The following SP140L variants were observed in gnomAD, a reference collection of about 807,000 sequenced individuals.
The protein encoded by SP140L is SP140 like nuclear body protein.
In SP140L, 64 loss-of-function variants were observed where a neutral mutation model predicts 84.3. The observed-to-expected ratio is 0.76, with a 90% CI of 0.62 to 0.94. The LOEUF (loss-of-function observed/expected upper bound fraction) is 0.94, where lower values mean the gene tolerates loss of function less well. Ranked by LOEUF, SP140L falls within the 40% of genes least tolerant of loss-of-function variation. The probability of loss-of-function intolerance (pLI) is 0.00; values close to 1 mark genes in which losing one functional copy is unlikely to be tolerated. For missense variants in SP140L, 628 were observed against 692.5 expected (o/e 0.91, Z 1.05); for synonymous variants, 242 against 236.9 (o/e 1.02, Z -0.20).
At position 230,400,195 on chromosome 2, in the gene SP140L, A is replaced by G. The variant is rs755112296; in HGVS notation, c.1266A>G (p.Ser422=). 5.0e-6 allele frequency: 8 copies of G among 1,614,212 alleles called. No homozygotes were observed. In the South Asian group the frequency reaches 8.8e-5, roughly 18 times the overall value. ...GGELFCCDTC[S]RVFHEDCHIP... is the part of the protein sequence containing the mutation. Reference sequence around the variant, plus strand: ...AGCTGTTCTGTTGCGACACTTGTTCAAGAGTCTTCCATGAGGACTGCCACA... The same window carrying G: ...AGCTGTTCTGTTGCGACACTTGTTCGAGAGTCTTCCATGAGGACTGCCACA... Residue 422 remains serine, a synonymous_variant, in exon 15 of 19, where the codon TCA becomes TCG. Transcript: ENST00000415673.
intron 14 of SP140L, 54 bp from the exon 15 acceptor site, chr2:230,400,073 G>A (rs1575560669): frequency 3.8e-6 from 6 of 1,593,318 alleles, no homozygotes; most frequent in Non-Finnish European, 4.3e-6. Context: ...CCAGAGGGGT[G>A]GCCTTCCTGA....
At chr2:230,356,619 A>G (rs941970379) in intron 2 of SP140L, among the ~76,000 whole-genome samples, 1 of 152,194 alleles carries the variant, frequency 6.6e-6, no homozygotes, top group African/African-American at 2.4e-5. Context: ...CACAGGCAGT[A>G]TATGCATTGC....
intron 5 of SP140L, among the ~76,000 whole-genome samples, chr2:230,364,336 A>G (rs895290629): frequency 2.0e-5 from 3 of 152,106 alleles, no homozygotes; most frequent in Non-Finnish European, 4.4e-5. Flanking sequence ...TATTTCTTTA[A>G]TCAACATTTT....
chr2:230,369,285 G>A (rs1258841079), intron 5 of SP140L, among the ~76,000 whole-genome samples: 1 of 152,170 alleles, frequency 6.6e-6, no homozygotes, highest in Non-Finnish European at 1.5e-5. Flanking sequence ...ACTTCAGTGA[G>A]CCTGAAGACC....
At chr2:230,370,204 G>A (rs2061018069) in intron 5 of SP140L, among the ~76,000 whole-genome samples, 1 of 152,178 alleles carries the variant, frequency 6.6e-6, no homozygotes, top group Admixed American at 6.5e-5. Flanking sequence ...GCAAAACATG[G>A]GGAGAGCATG....
chr2:230,392,416 GTA>G (rs1268036096), intron 12 of SP140L, among the ~76,000 whole-genome samples, 187 bp downstream of exon 12: 2 of 152,184 alleles, frequency 1.3e-5, no homozygotes, highest in Admixed American at 1.3e-4. Context: ...CACTGATGTT[GTA>G]CCAGGGGCTC....
In SP140L at chr2:230,388,428, T is replaced by C. The variant is rs749423904; in HGVS notation, c.785-131T>C. The C allele has an allele frequency of 1.8e-4, 115 of 650,714 alleles. No homozygotes were observed. In the Admixed American group the frequency reaches 2.0e-3, roughly 11 times the overall value. 40.3% of individuals were successfully genotyped at this position (650,714 alleles called of 1,614,324 possible). A position where few individuals can be genotyped will look rare whatever the true frequency, so the allele number is the denominator to read the frequency against. On this transcript the variant is annotated intron_variant, in intron 9 of 18. Transcript: ENST00000415673. ...ATTCTTCATACCTTAAAGGCTAGGG[T>C]TTAAATCTTTTTATTTATATATTAA...
chr2:230,341,662 G>A (rs1165328012), intron 2 of SP140L, among the ~76,000 whole-genome samples: 1 of 150,284 alleles, frequency 6.7e-6, no homozygotes, highest in Non-Finnish European at 1.5e-5. Flanking sequence ...ATGTACAGAT[G>A]GGTTTTTGGT....
intron 15 of SP140L, chr2:230,400,690 C>T (rs6748445): frequency 0.28 from 203,748 of 735,920 alleles, 29,835 homozygotes; most frequent in Non-Finnish European, 0.3. Context: ...TCCTTGTGCT[C>T]CCAGCAGCTC....
chr2:230,400,075 C>A (rs1231513381), intron 14 of SP140L, 52 bp from the exon 15 acceptor site: 3 of 1,598,130 alleles, frequency 1.9e-6, no homozygotes, highest in African/African-American at 2.7e-5. Context: ...AGAGGGGTGG[C>A]CTTCCTGAAT....
chr2:230,328,908 T>G, intron 2 of SP140L, 77 bp downstream of exon 2: 2 of 1,509,132 alleles, frequency 1.3e-6, no homozygotes, highest in Non-Finnish European at 8.9e-7. Context: ...TCATGTTTCT[T>G]GGCCACTGAA....
At chr2:230,374,917 T>C (rs1575502620) in intron 7 of SP140L, among the ~76,000 whole-genome samples, 1 of 152,336 alleles carries the variant, frequency 6.6e-6, no homozygotes, top group East Asian at 1.9e-4. Context: ...ATTGCAATAT[T>C]CACTTCATTG....
At position 230,340,008 on chromosome 2, in the gene SP140L, C is replaced by T. The variant is rs1173191110; in HGVS notation, c.107+11177C>T. 3.3e-4 allele frequency among the ~76,000 whole-genome samples: 48 copies of T among 147,594 alleles called. 1 individual carries two copies. Among genetic ancestry groups the T allele is most frequent in the African/African-American group, 8.3e-4 (33 of 39,738 alleles). On this transcript the variant is annotated intron_variant, in intron 2 of 18. Transcript: ENST00000415673. ...GAGTTCTGTAGATGTCTATTAGGTC[C>T]GCTTGGTGCAGAGCTGAGTTCAATT...
At chr2:230,328,644 T>C in intron 1 of SP140L, 113 bp from the exon 2 acceptor site, 1 of 1,340,916 alleles carries the variant, frequency 7.5e-7, no homozygotes. Flanking sequence ...TTTCTCTTTT[T>C]TTTGCACATA....
At chr2:230,400,729 G>A (rs1349724073) in intron 15 of SP140L, 6 of 1,013,020 alleles carry the variant, frequency 5.9e-6, no homozygotes, top group Non-Finnish European at 8.7e-6. Flanking sequence ...CCCCACTCAC[G>A]GTGACACCAC....
intron 5 of SP140L, among the ~76,000 whole-genome samples, chr2:230,368,585 C>A (rs758932361): frequency 1.3e-5 from 2 of 152,210 alleles, no homozygotes; most frequent in Non-Finnish European, 2.9e-5. Context: ...ATTTCTGCAA[C>A]TCAAACATTT....
At chr2:230,393,023 C>G (rs2061889379) in intron 12 of SP140L, among the ~76,000 whole-genome samples, 1 of 152,062 alleles carries the variant, frequency 6.6e-6, no homozygotes, top group Non-Finnish European at 1.5e-5. Context: ...TCTTCATGTA[C>G]CCAAGATTGA....
At chr2:230,400,678 A>G in intron 15 of SP140L, 1 of 658,892 alleles carries the variant, frequency 1.5e-6, no homozygotes. Context: ...GGCAGGCAGG[A>G]CTCCTTGTGC....
chr2:230,347,948 C>T (rs2060258032), intron 2 of SP140L, among the ~76,000 whole-genome samples: 1 of 152,178 alleles, frequency 6.6e-6, no homozygotes, highest in African/African-American at 2.4e-5. Flanking sequence ...CACTGTGAAC[C>T]CTGCCCTCAC....
Sources: allele counts gnomAD v4.1 joint callset (sites outside exome capture counted in the v4.1 genomes callset), GRCh38; gene constraint gnomAD v4.1.1; transcripts MANE v1.5; gene names NCBI Gene and HGNC (gene_info 2026-07-23, HGNC 2026-07-21).